The following PARP8 variants were observed in gnomAD, a reference collection of about 807,000 sequenced individuals.
PARP8 encodes protein mono-ADP-ribosyltransferase PARP8.
PARP8 carries 51 observed loss-of-function variants against 124.1 expected under a neutral mutation model. That is an observed-to-expected ratio of 0.41 (90% CI 0.33 to 0.52). The LOEUF is 0.52. Ranked by LOEUF, PARP8 falls within the 20% of genes least tolerant of loss-of-function variation. The probability of loss-of-function intolerance (pLI) is 0.21; values close to 1 mark genes in which losing one functional copy is unlikely to be tolerated. For missense variants in PARP8, 860 were observed against 1,018.9 expected, an observed-to-expected ratio of 0.84 and a Z score of 2.12; for synonymous variants, 391 against 361.5, an observed-to-expected ratio of 1.08 and a Z score of -0.93.
At chr5:50,711,368 A>T (rs1580055865) in intron 2 of PARP8, among the ~76,000 whole-genome samples, 3 of 152,068 alleles carry the variant, frequency 2.0e-5, no homozygotes, top group African/African-American at 7.2e-5. Context: ...CAGTCATGTG[A>T]CTTGTCCCTC....
At chr5:50,729,764 A>G (rs1756793403) in intron 2 of PARP8, among the ~76,000 whole-genome samples, 1 of 152,170 alleles carries the variant, frequency 6.6e-6, no homozygotes, top group African/African-American at 2.4e-5. Flanking sequence ...CCTTCTTGAC[A>G]CTGATGACAG....
chr5:50,760,193 G>A (rs1760405742), intron 4 of PARP8, 99 bp from the exon 5 acceptor site: 6 of 1,022,004 alleles, frequency 5.9e-6, no homozygotes, highest in Non-Finnish European at 8.0e-6. Flanking sequence ...CAGAGGAGAT[G>A]GAATCACCTA....
chr5:50,680,900 A>C (rs1751216687), intron 2 of PARP8, among the ~76,000 whole-genome samples: 1 of 152,160 alleles, frequency 6.6e-6, no homozygotes, highest in Admixed American at 6.6e-5. Context: ...CACTGTTATT[A>C]AAACAAACAG....
intron 2 of PARP8, among the ~76,000 whole-genome samples, chr5:50,682,671 T>A (rs1179516865): frequency 6.6e-6 from 1 of 152,186 alleles, no homozygotes; most frequent in Non-Finnish European, 1.5e-5. Context: ...TACACTATTT[T>A]AAATTTTCAA....
At chr5:50,783,334 C>T (rs559283049) in intron 9 of PARP8, among the ~76,000 whole-genome samples, 168 of 152,232 alleles carry the variant, frequency 1.1e-3, no homozygotes, top group African/African-American at 3.9e-3. Context: ...GGCAAGGGAC[C>T]TGTGGAAATG....
At chr5:50,672,611 A>G (rs1750156809) in intron 2 of PARP8, among the ~76,000 whole-genome samples, 1 of 152,184 alleles carries the variant, frequency 6.6e-6, no homozygotes, top group Non-Finnish European at 1.5e-5. Context: ...TTAAGATACT[A>G]GGGCGTGATG....
chr5:50,766,545 A>G (rs760584983), intron 7 of PARP8, among the ~76,000 whole-genome samples: 12 of 152,200 alleles, frequency 7.9e-5, no homozygotes, highest in Non-Finnish European at 1.6e-4. Context: ...TTAATATAAA[A>G]TATTCTTTAC....
chr5:50,825,789 C>T (rs27255), intron 18 of PARP8, among the ~76,000 whole-genome samples: 71,294 of 151,936 alleles, frequency 0.47, 18,715 homozygotes, highest in African/African-American at 0.72. Context: ...TACCATGCTA[C>T]GACCAGGAAG....
At position 50,844,933 on chromosome 5, in the gene PARP8, T is replaced by C. The variant is rs1311917899; in HGVS notation, c.*2865T>C. 6.6e-6 allele frequency: 1 copy of C among 151,584 alleles called. No homozygotes were observed. Among genetic ancestry groups the C allele is most frequent in the Non-Finnish European group, 1.5e-5 (1 of 67,718 alleles). The allele number at this position is 151,584 out of a possible 1,614,324, so 9.4% of individuals were successfully genotyped here. On this transcript the variant is annotated 3_prime_UTR_variant, in exon 26 of 26. Coordinates refer to ENST00000281631, the MANE Select transcript of PARP8 (RefSeq NM_024615.4). Reference sequence around the variant, plus strand: ...TGTCTTCGAGTGCACTATGTTGGAATAAATTTTATACTTGTTGCTTAGTAA... The same window carrying C: ...TGTCTTCGAGTGCACTATGTTGGAACAAATTTTATACTTGTTGCTTAGTAA...
At chr5:50,800,800 A>G (rs1743123435) in intron 14 of PARP8, among the ~76,000 whole-genome samples, 1 of 146,926 alleles carries the variant, frequency 6.8e-6, no homozygotes, top group Non-Finnish European at 1.5e-5. Flanking sequence ...TCTGTCACTC[A>G]TGTTGGAGTG....
intron 2 of PARP8, among the ~76,000 whole-genome samples, chr5:50,682,209 G>A (rs1323689651): frequency 6.6e-6 from 1 of 152,092 alleles, no homozygotes. Flanking sequence ...CCAAGTATGA[G>A]TACATTCTCC....
At chr5:50,707,411 T>C (rs1754261638) in intron 2 of PARP8, among the ~76,000 whole-genome samples, 1 of 152,068 alleles carries the variant, frequency 6.6e-6, no homozygotes, top group Non-Finnish European at 1.5e-5. Context: ...TGTACTCATT[T>C]CACAGTAACA....
In PARP8 at chr5:50,798,356, C is replaced by T. The variant is rs1466383066; in HGVS notation, c.1575+1123C>T. Among the ~76,000 whole-genome samples the T allele has an allele frequency of 2.6e-5, 4 of 151,580 alleles. No individual in the cohort carries two copies. The East Asian group carries it at 7.7e-4, about 29-fold the overall frequency. Reference sequence around the variant, plus strand: ...CTATACATCTTCCCCACGTATTATTCTCTATTTATTATTATTTTTAATAAT... The same window carrying T: ...CTATACATCTTCCCCACGTATTATTTTCTATTTATTATTATTTTTAATAAT... On this transcript the variant is annotated intron_variant, in intron 14 of 25. Transcript: ENST00000281631.
At chr5:50,740,409 C>A (rs114623052) in intron 2 of PARP8, among the ~76,000 whole-genome samples, 2,961 of 152,186 alleles carry the variant, frequency 0.019, 48 homozygotes, top group Non-Finnish European at 0.029. Flanking sequence ...TGAAAGGAGT[C>A]TTTTTTGTTG....
intron 2 of PARP8, among the ~76,000 whole-genome samples, chr5:50,739,499 A>G (rs1408236111): frequency 6.6e-6 from 1 of 151,864 alleles, no homozygotes; most frequent in African/African-American, 2.4e-5. Context: ...CCTCTTCACA[A>G]CACTAGGGGA....
intron 3 of PARP8, among the ~76,000 whole-genome samples, chr5:50,758,315 A>T (rs1580233805): frequency 2.0e-5 from 3 of 152,344 alleles, no homozygotes; most frequent in Admixed American, 6.5e-5. Flanking sequence ...ATAATGAGGC[A>T]AACATCTTTT....
At chr5:50,702,061 G>A (rs187784576) in intron 2 of PARP8, among the ~76,000 whole-genome samples, 177 of 152,202 alleles carry the variant, frequency 1.2e-3, no homozygotes, top group Non-Finnish European at 1.9e-3. Flanking sequence ...CTGCAGAAAT[G>A]TAATTTAAAA....
chr5:50,814,137 C>T (rs1255361183), intron 14 of PARP8, among the ~76,000 whole-genome samples: 1 of 152,000 alleles, frequency 6.6e-6, no homozygotes, highest in Non-Finnish European at 1.5e-5. Flanking sequence ...TATTGAAGCA[C>T]CAGAATAGCA....
intron 2 of PARP8, among the ~76,000 whole-genome samples, chr5:50,697,649 G>A (rs890377458): frequency 2.6e-5 from 4 of 152,116 alleles, no homozygotes; most frequent in South Asian, 2.1e-4. Context: ...AGCTGGGAGT[G>A]TAGGCACATG....
Sources: gnomAD v4.1 joint callset for allele counts (sites outside exome capture counted in the v4.1 genomes callset) on GRCh38, gnomAD v4.1.1 for gene constraint, MANE v1.5 for transcripts, NCBI Gene and HGNC (gene_info 2026-07-23, HGNC 2026-07-21) for gene names.